The following LONRF1 variants were observed in gnomAD, a reference collection of about 807,000 sequenced individuals.
LONRF1 encodes the protein LON peptidase N-terminal domain and RING finger protein 1.
In LONRF1, 37 loss-of-function variants were observed where a neutral mutation model predicts 85.8. That is an observed-to-expected ratio of 0.43 (90% confidence interval 0.33 to 0.57). LONRF1 has a LOEUF of 0.57. LONRF1 is among the 20% of genes least tolerant of loss of function. The pLI is 0.04. For missense variants in LONRF1, 1,036 were observed against 978.0 expected, an observed-to-expected ratio of 1.06 and a Z score of -0.79; for synonymous variants, 517 against 390.1, an observed-to-expected ratio of 1.33 and a Z score of -3.83.
intron 1 of LONRF1, among the ~76,000 whole-genome samples, chr8:12,746,449 G>C (rs7838660): frequency 0.96 from 146,237 of 152,242 alleles, 70,504 homozygotes; most frequent in East Asian, 1. Flanking sequence ...ATCTTGATAA[G>C]TTTTTATCAT....
chr8:12,754,987 C>T lies in LONRF1; in HGVS notation c.434G>A (p.Arg145His). 6.7e-7 allele frequency: 1 copy of T among 1,491,272 alleles called. No individual in the cohort carries two copies. Among genetic ancestry groups the T allele is most frequent in the Non-Finnish European group, 8.9e-7 (1 of 1,126,954 alleles). The allele number at this position is 1,491,272 out of a possible 1,614,324, so 92.4% of individuals were successfully genotyped here. A position where few individuals can be genotyped will look rare whatever the true frequency, so the allele number is the denominator to read the frequency against. Residue 145 changes from arginine (R) to histidine (H), a missense_variant, in exon 1 of 12, where the codon CGC (arginine) becomes CAC (histidine). Coordinates refer to ENST00000398246, the MANE Select transcript of LONRF1 (RefSeq NM_152271.5). ...TVPCGHSYCR[R>H]CLRRELRARC... ...GGCGCGGAGTTCCCTCCGCAGGCAGCGGCGGCAGTAGCTGTGGCCACAGGG... is the reference window on the plus strand; with the variant it reads ...GGCGCGGAGTTCCCTCCGCAGGCAGTGGCGGCAGTAGCTGTGGCCACAGGG...
intron 10 of LONRF1, among the ~76,000 whole-genome samples, chr8:12,727,818 T>C (rs1180442013): frequency 2.6e-5 from 4 of 152,202 alleles, no homozygotes; most frequent in African/African-American, 9.6e-5. Context: ...CAAGACAAAG[T>C]ACCCCCATAG....
intron 1 of LONRF1, among the ~76,000 whole-genome samples, chr8:12,746,494 G>A (rs953452731): frequency 6.6e-6 from 1 of 152,170 alleles, no homozygotes; most frequent in Non-Finnish European, 1.5e-5. Flanking sequence ...CTCCCAAGAT[G>A]CTTTGCTTTG....
intron 4 of LONRF1, 54 bp from the exon 5 acceptor site, chr8:12,737,194 C>T: frequency 6.3e-7 from 1 of 1,582,082 alleles, no homozygotes; most frequent in East Asian, 2.2e-5. Flanking sequence ...TCCTTTATTC[C>T]TCTCACCAAG....
At chr8:12,734,054 C>A (rs758540950) in intron 7 of LONRF1, among the ~76,000 whole-genome samples, 1 of 152,104 alleles carries the variant, frequency 6.6e-6, no homozygotes, top group African/African-American at 2.4e-5. Context: ...TACTTTTGCA[C>A]CAACCTAACA....
chr8:12,749,788 G>A (rs944917388), intron 1 of LONRF1, among the ~76,000 whole-genome samples: 1 of 152,104 alleles, frequency 6.6e-6, no homozygotes, highest in Non-Finnish European at 1.5e-5. Context: ...AAAATAATTA[G>A]AGATATAGTC....
At chr8:12,734,591 G>A (rs949357463) in intron 7 of LONRF1, among the ~76,000 whole-genome samples, 1 of 152,116 alleles carries the variant, frequency 6.6e-6, no homozygotes, top group Admixed American at 6.5e-5. Flanking sequence ...CATCCACTGA[G>A]ATCTAGCTAC....
intron 1 of LONRF1, among the ~76,000 whole-genome samples, chr8:12,749,588 T>C (rs1005380134): frequency 3.9e-5 from 6 of 152,158 alleles, no homozygotes; most frequent in African/African-American, 1.4e-4. Context: ...ACTAGAAATC[T>C]AAGATAATTC....
chr8:12,747,927 G>GTGTAAAGTACATTTTTGTTCTTTATT (rs1799230081), intron 1 of LONRF1, among the ~76,000 whole-genome samples: 10 of 152,156 alleles, frequency 6.6e-5, no homozygotes, highest in Admixed American at 5.9e-4. Context: ...TGTTCTTTAT[G>GTGTAAAGTACATTTTTGTTCTTTATT]TGTAAAGTAC....
At chr8:12,725,383 G>C (rs1040085689) in intron 11 of LONRF1, among the ~76,000 whole-genome samples, 4 of 152,164 alleles carry the variant, frequency 2.6e-5, no homozygotes, top group African/African-American at 9.7e-5. Flanking sequence ...TGGGCTCAAA[G>C]GCATGGTTAG....
chr8:12,729,950 G>T (rs138404318), intron 8 of LONRF1, among the ~76,000 whole-genome samples: 1 of 152,276 alleles, frequency 6.6e-6, no homozygotes, highest in South Asian at 2.1e-4. Flanking sequence ...TGGCAGCATG[G>T]GGGCACTCTG....
intron 1 of LONRF1, among the ~76,000 whole-genome samples, chr8:12,747,471 G>T (rs1425913231): frequency 6.6e-6 from 1 of 152,120 alleles, no homozygotes; most frequent in Non-Finnish European, 1.5e-5. Flanking sequence ...CCATCACAAA[G>T]AAATAGCCAG....
chr8:12,754,863 G>A lies in LONRF1; in HGVS notation c.558C>T (p.Ile186=). 6.7e-7 allele frequency: 1 copy of A among 1,493,502 alleles called. No homozygotes were observed. 92.5% of individuals were successfully genotyped at this position (1,493,502 alleles called of 1,614,324 possible). ...CGCTGGTTCTGAAGTCTGAAGCGGC[G>A]ATGGCGGCGGCCAGAGGCGGCGGCC... ...APRPPPLAAA[I]AASDFRTSVV... The change falls in exon 1 of 12, where the codon ATC becomes ATT. Residue 186 remains isoleucine (I), a synonymous_variant. Coordinates refer to ENST00000398246, the MANE Select transcript of LONRF1 (RefSeq NM_152271.5).
chr8:12,736,964 C>T lies in LONRF1; in HGVS notation c.1290G>A (p.Leu430=). Residue 430 remains leucine, a synonymous_variant, in exon 5 of 12, where the codon TTG becomes TTA. Coordinates refer to ENST00000398246, the MANE Select transcript of LONRF1 (RefSeq NM_152271.5). ...CAATCACATCCTGTTCTAAAAGAGA[C>T]AACTTTCTTTTCAGCAGAACACCTT... The part of the protein sequence containing the change: ...QEKGVLLKRK[L]SLLEQDVIVN... 6.2e-7 allele frequency: 1 copy of T among 1,613,326 alleles called. No individual in the cohort carries two copies. The highest frequency in any genetic ancestry group is 8.5e-7 in the Non-Finnish European group (1 of 1,179,526).
At position 12,737,059 on chromosome 8, in the gene LONRF1, T is replaced by C; in HGVS notation, c.1195A>G (p.Thr399Ala). 1 of 1,613,740 alleles carries C rather than the reference T, an allele frequency of 6.2e-7. No homozygotes were observed. The highest frequency in any genetic ancestry group is 2.2e-5 in the East Asian group (1 of 44,870). ...CAGTCCTCTCTGGCAGGCATTTCTG[T>C]TGAATTTATAGACTGTGCTGACTGA... ...RAQSAQSINS[T>A]EMPAREDCLK... The change falls in exon 5 of 12, where the codon ACA becomes GCA. Residue 399 changes from threonine to alanine, a missense_variant. Thr to Ala is a moderately conservative substitution (Grantham distance 58). This residue lies in a region of LONRF1 where 742 missense variants were observed against 614.4 expected (regional missense o/e 1.21). Coordinates refer to ENST00000398246, the MANE Select transcript of LONRF1 (RefSeq NM_152271.5).
chr8:12,754,309 C>T (rs1390986712), intron 1 of LONRF1: 2 of 164,996 alleles, frequency 1.2e-5, no homozygotes, highest in Admixed American at 6.4e-5. Context: ...AGAGCCAATT[C>T]CCGGAAAGCG....
chr8:12,755,148 G>A lies in LONRF1; in HGVS notation c.273C>T (p.Asp91=), dbSNP rs772017253. 20 of 1,432,434 alleles carry A rather than the reference G, an allele frequency of 1.4e-5. No homozygotes were observed. The South Asian group carries it at 1.7e-4, about 12-fold the overall frequency. The allele number at this position is 1,432,434 out of a possible 1,614,324, so 88.7% of individuals were successfully genotyped here. A position where few individuals can be genotyped will look rare whatever the true frequency, so the allele number is the denominator to read the frequency against. ...GGAGCCGGTAGTTGAACACCAGGCA[G>A]TCCACCAGGGCGCCCAGGCACTCGG... ...ARPECLGALV[D]CLVFNYRLRH... The change falls in exon 1 of 12, where the codon GAC becomes GAT. Residue 91 remains aspartate, a synonymous_variant. Transcript: ENST00000398246.
chr8:12,723,084 C>A lies in LONRF1; in HGVS notation c.*12G>T. 6.2e-7 allele frequency: 1 copy of A among 1,601,806 alleles called. No homozygotes were observed. Among genetic ancestry groups the A allele is most frequent in the Non-Finnish European group, 8.5e-7 (1 of 1,173,566 alleles). On this transcript the variant is annotated 3_prime_UTR_variant, in exon 12 of 12. Coordinates refer to ENST00000398246, the MANE Select transcript of LONRF1 (RefSeq NM_152271.5). ...GATTAGGGTCACTTTAAAGGGAGAT[C>A]CAAAGAGTTAGTTACTTAGATTGGT...
Position 12,754,767 on chromosome 8 carries a change from G to C in LONRF1, c.654C>G (p.Leu218=), listed in dbSNP as rs1242404688. The part of the protein sequence containing the change: ...QRERARAAGR[L]GELLHQGRYR... ...AGCGCCCCTGGTGCAGTAGCTCCCC[G>C]AGCCTGCCGGCCGCCCGGGCCCGCT... The change falls in exon 1 of 12, where the codon CTC becomes CTG. Residue 218 remains leucine, a synonymous_variant. Transcript: ENST00000398246. The C allele has an allele frequency of 1.4e-6, 2 of 1,470,546 alleles. No homozygotes were observed. The highest frequency in any genetic ancestry group is 1.8e-6 in the Non-Finnish European group (2 of 1,119,434). 91.1% of individuals were successfully genotyped at this position (1,470,546 alleles called of 1,614,324 possible).
Sources: allele counts gnomAD v4.1 joint callset (sites outside exome capture counted in the v4.1 genomes callset), GRCh38; gene constraint gnomAD v4.1.1; regional missense constraint gnomAD v4.1.1; transcripts MANE v1.5; gene names NCBI Gene and HGNC (gene_info 2026-07-23, HGNC 2026-07-21).